The following TBC1D2B variants were observed in gnomAD, a reference collection of about 807,000 sequenced individuals.
TBC1D2B encodes the protein TBC1 domain family, member 2B.
A neutral mutation model predicts 100.8 loss-of-function variants in TBC1D2B; 64 were observed. The ratio of observed to expected loss-of-function variants is 0.64; its 90% confidence interval spans 0.52 to 0.78. The LOEUF is 0.78. Ranked by LOEUF, TBC1D2B falls within the 30% of genes least tolerant of loss-of-function variation. The pLI is 0.00. For missense variants in TBC1D2B, 1,052 were observed against 1,218.4 expected (o/e 0.86, Z 2.03); for synonymous variants, 480 against 479.7 (o/e 1.00, Z -0.01).
chr15:78,030,303 A>T, intron 3 of TBC1D2B, 133 bp from the exon 4 acceptor site: 3 of 746,110 alleles, frequency 4.0e-6, no homozygotes, highest in Non-Finnish European at 6.0e-6. Flanking sequence ...AGAAATGGGG[A>T]TTCCCTTTTT....
intron 2 of TBC1D2B, among the ~76,000 whole-genome samples, chr15:78,049,251 C>T (rs1048028985): frequency 6.6e-6 from 1 of 152,172 alleles, no homozygotes; most frequent in Non-Finnish European, 1.5e-5. Flanking sequence ...CTGTCCCCTA[C>T]CCCCATCAAG....
At chr15:78,055,390 G>A (rs1358408925) in intron 1 of TBC1D2B, among the ~76,000 whole-genome samples, 1 of 152,054 alleles carries the variant, frequency 6.6e-6, no homozygotes. Context: ...TGCAGGTATG[G>A]GTCAAGGTCT....
Position 78,054,089 on chromosome 15 carries a change from C to A in TBC1D2B, c.459G>T (p.Arg153Ser). Reference sequence around the variant, plus strand: ...GAAAATCCCCGGGAGTTGGAGAGGTCCTGCTGTCCCACTTGACCATGTCAA... The same window carrying A: ...GAAAATCCCCGGGAGTTGGAGAGGTACTGCTGTCCCACTTGACCATGTCAA... The part of the protein sequence containing the change: ...NSLDMVKWDS[R>S]TSPTPGDFPK... The change falls in exon 2 of 13, where the codon AGG becomes AGT. Residue 153 changes from arginine to serine, a missense_variant. Arg to Ser is a moderately radical substitution (Grantham distance 110, BLOSUM62 -1). Around this residue, in one of 4 missense-constraint regions of TBC1D2B, gnomAD observed 627 missense variants for 646.1 expected, o/e 0.97. Coordinates refer to ENST00000300584, the MANE Select transcript of TBC1D2B (RefSeq NM_144572.2). 1 of 1,613,858 alleles carries A rather than the reference C, an allele frequency of 6.2e-7. No homozygotes were observed. The highest frequency in any genetic ancestry group is 2.2e-5 in the East Asian group (1 of 44,870).
chr15:78,044,184 A>G (rs1363800653), intron 3 of TBC1D2B, among the ~76,000 whole-genome samples: 1 of 152,220 alleles, frequency 6.6e-6, no homozygotes, highest in Non-Finnish European at 1.5e-5. Flanking sequence ...AAAACATTTA[A>G]AAATTGATTG....
chr15:78,038,383 A>G (rs1837912), intron 3 of TBC1D2B, among the ~76,000 whole-genome samples: 135,669 of 152,234 alleles, frequency 0.89, 61,090 homozygotes, highest in East Asian at 0.99. Context: ...AGAAGTAACC[A>G]GAGAAGACAG....
intron 1 of TBC1D2B, among the ~76,000 whole-genome samples, chr15:78,055,103 G>A (rs1373445511): frequency 1.3e-5 from 2 of 152,148 alleles, no homozygotes; most frequent in East Asian, 3.9e-4. Context: ...TGCCACTTAT[G>A]TAACACCCTG....
intron 4 of TBC1D2B, among the ~76,000 whole-genome samples, chr15:78,026,491 C>T (rs2072672697): frequency 6.6e-6 from 1 of 152,196 alleles, no homozygotes; most frequent in Admixed American, 6.5e-5. Context: ...GGACTTCTAG[C>T]CCCAGAACCA....
chr15:78,026,461 G>A (rs2072671696), intron 4 of TBC1D2B, among the ~76,000 whole-genome samples: 1 of 152,164 alleles, frequency 6.6e-6, no homozygotes, highest in Non-Finnish European at 1.5e-5. Flanking sequence ...GCTCTCCCCA[G>A]ATGCCAGTGC....
At chr15:78,007,291 C>A (rs1177984683) in intron 10 of TBC1D2B, among the ~76,000 whole-genome samples, 1 of 152,194 alleles carries the variant, frequency 6.6e-6, no homozygotes, top group East Asian at 1.9e-4. Context: ...CTGAGTGAGA[C>A]AGAGGTTAAA....
intron 1 of TBC1D2B, among the ~76,000 whole-genome samples, chr15:78,075,465 TG>T (rs1330898553): frequency 1.3e-5 from 2 of 152,194 alleles, no homozygotes; most frequent in African/African-American, 4.8e-5. Flanking sequence ...CCCAAAGTGC[TG>T]GGATTACAGG....
chr15:78,047,939 C>G (rs1009778830), intron 2 of TBC1D2B, among the ~76,000 whole-genome samples: 1 of 152,216 alleles, frequency 6.6e-6, no homozygotes, highest in Admixed American at 6.5e-5. Flanking sequence ...TAAGCCAAGT[C>G]AGGAAATAAA....
Position 78,013,205 on chromosome 15 carries a change from C to A in TBC1D2B, c.1888G>T (p.Glu630Ter). 2 of 1,614,004 alleles carry A rather than the reference C, an allele frequency of 1.2e-6. No individual in the cohort carries two copies. The highest frequency in any genetic ancestry group is 1.3e-5 in the African/African-American group (1 of 75,042). Reference protein sequence around the residue: ...LKTLYLTENQEVSTGVKWENY... With the variant: ...LKTLYLTENQ ...TCCCACTTGACCCCAGTGGAGACTT[C>A]CTGGTTTTCTGTGAGGTAGAGAGTC... Residue 630 changes from glutamate to a stop codon, truncating the protein, a stop_gained, in exon 9 of 13, where the codon GAA (glutamate) becomes TAA (stop). Coordinates refer to ENST00000300584, the MANE Select transcript of TBC1D2B (RefSeq NM_144572.2). LOFTEE classifies it high-confidence loss of function.
chr15:78,012,647 TCA>T (rs2072260143), intron 9 of TBC1D2B, among the ~76,000 whole-genome samples, 174 bp downstream of exon 9: 1 of 152,252 alleles, frequency 6.6e-6, no homozygotes, highest in Non-Finnish European at 1.5e-5. Context: ...GCTTTTTCTC[TCA>T]GTTCTTCTAG....
intron 9 of TBC1D2B, among the ~76,000 whole-genome samples, chr15:78,011,742 G>A (rs2072236611): frequency 6.6e-6 from 1 of 150,538 alleles, no homozygotes; most frequent in East Asian, 2.0e-4. Flanking sequence ...TCTGCCTCCC[G>A]GGTTCAAGTG....
rs556631838 is a variant in TBC1D2B, at chr15:78,044,941, G to C, written c.642C>G (p.Ser214=). 6.2e-7 allele frequency: 1 copy of C among 1,613,410 alleles called. No individual in the cohort carries two copies. The highest frequency in any genetic ancestry group is 8.5e-7 in the Non-Finnish European group (1 of 1,179,580). ...ANQPAPGHPN[S]INFYSLKQWG... The stretch of plus-strand genomic sequence containing the variant: ...ACTGTTTCAAAGAGTAAAAATTAAT[G>C]GAATTTGGATGCCCTGGGGCGGGCT... Residue 214 remains serine, a synonymous_variant, in exon 3 of 13, where the codon TCC becomes TCG. Transcript: ENST00000300584.
chr15:78,013,405 A>G, intron 8 of TBC1D2B, 88 bp from the exon 9 acceptor site: 3 of 1,237,838 alleles, frequency 2.4e-6, no homozygotes, highest in Non-Finnish European at 2.2e-6. Context: ...CTAGAAACCA[A>G]ATCAGGCACA....
chr15:77,999,063 C>T (rs1370749222), intron 12 of TBC1D2B: 1 of 267,452 alleles, frequency 3.7e-6, no homozygotes. Flanking sequence ...GGATTTGTAG[C>T]ACTAATGGGT....
chr15:78,029,882 G>T, intron 4 of TBC1D2B, 125 bp downstream of exon 4: 1 of 647,530 alleles, frequency 1.5e-6, no homozygotes, highest in South Asian at 4.9e-5. Context: ...GTCCGACAAA[G>T]AGAATGCAAG....
intron 9 of TBC1D2B, among the ~76,000 whole-genome samples, chr15:78,011,871 T>A (rs2141654433): frequency 6.6e-6 from 1 of 152,232 alleles, no homozygotes; most frequent in Admixed American, 6.5e-5. Context: ...GGTCTTGAAC[T>A]CCTGACCTCA....
Sources: allele counts gnomAD v4.1 joint callset (sites outside exome capture counted in the v4.1 genomes callset), GRCh38; gene constraint gnomAD v4.1.1; regional missense constraint gnomAD v4.1.1; transcripts MANE v1.5; gene names NCBI Gene and HGNC (gene_info 2026-07-23, HGNC 2026-07-21).